Variants in KMO observed in about 807,000 individuals in gnomAD.
KMO encodes the protein kynurenine 3-monooxygenase.
KMO carries 24 observed loss-of-function variants against 57.8 expected under a neutral mutation model. The observed-to-expected ratio is 0.42, with a 90% CI of 0.30 to 0.58. The LOEUF is 0.58. KMO is among the 20% of genes least tolerant of loss of function. KMO has a pLI of 0.22. For synonymous variants in KMO, 210 were observed against 193.6 expected, an observed-to-expected ratio of 1.08 and a Z score of -0.70; for missense variants, 483 against 588.2, an observed-to-expected ratio of 0.82 and a Z score of 1.85.
At chr1:241,543,911 C>A (rs188773722) in intron 1 of KMO, among the ~76,000 whole-genome samples, 29 of 152,306 alleles carry the variant, frequency 1.9e-4, no homozygotes, top group Non-Finnish European at 1.8e-4. Context: ...GCAGAATCTC[C>A]ACCTTGGTCA....
chr1:241,542,619 T>A (rs1332315899), intron 1 of KMO, among the ~76,000 whole-genome samples: 2 of 152,264 alleles, frequency 1.3e-5, no homozygotes. Flanking sequence ...CCTGTCTCTA[T>A]TAAGGCTTTA....
chr1:241,538,127 A>C (rs932394337), intron 1 of KMO, among the ~76,000 whole-genome samples: 1 of 152,160 alleles, frequency 6.6e-6, no homozygotes, highest in African/African-American at 2.4e-5. Flanking sequence ...AGCATGCATA[A>C]TCAAGGTTCA....
At position 241,589,321 on chromosome 1, in the gene KMO, A is replaced by C. The variant is rs80243451; in HGVS notation, c.1098+491A>C. Reference sequence around the variant, plus strand: ...GGAAGATTAGTACTTTGAAAAAAAAACATATTAATTCCATTTTGAACCAGT... The same window carrying C: ...GGAAGATTAGTACTTTGAAAAAAAACCATATTAATTCCATTTTGAACCAGT... On this transcript the variant is annotated intron_variant, in intron 12 of 14. Coordinates refer to ENST00000366559, the MANE Select transcript of KMO (RefSeq NM_003679.5). 6.7e-3 allele frequency among the ~76,000 whole-genome samples: 1,022 copies of C among 152,294 alleles called. 10 individuals carry two copies. The highest frequency in any genetic ancestry group is 0.023 in the African/African-American group (959 of 41,546).
At chr1:241,535,621 C>T (rs566985671) in intron 1 of KMO, among the ~76,000 whole-genome samples, 2 of 152,204 alleles carry the variant, frequency 1.3e-5, no homozygotes, top group Non-Finnish European at 2.9e-5. Context: ...AGAAACTAAA[C>T]CATAATCATA....
intron 10 of KMO, among the ~76,000 whole-genome samples, chr1:241,569,478 G>T (rs975088563): frequency 2.0e-5 from 3 of 152,038 alleles, no homozygotes; most frequent in Non-Finnish European, 4.4e-5. Flanking sequence ...TGTTGCAAAT[G>T]ATGGCATTTC....
rs1291561737 is a variant in KMO, at chr1:241,568,646, C to T, written c.956C>T (p.Ala319Val). 2.5e-6 allele frequency: 4 copies of T among 1,612,950 alleles called. No individual in the cohort carries two copies. Among genetic ancestry groups the T allele is most frequent in the Non-Finnish European group, 3.4e-6 (4 of 1,179,388 alleles). The change falls in exon 10 of 15, where the codon GCG becomes GTG. Residue 319 changes from alanine to valine, a missense_variant and splice_region_variant. By Grantham distance (64) the Ala-to-Val change is moderately conservative (BLOSUM62 0). Transcript: ENST00000366559. The part of the protein sequence containing the change: ...IVPFFGQGMN[A>V]GFEDCLVFDE... ...CCGTTTTTTGGGCAAGGAATGAATG[C>T]GGTAAGTTCTTTTTCCCTAGGTAAG... is the stretch of plus-strand genomic sequence containing the variant.
chr1:241,545,521 C>A (rs1661113654), intron 1 of KMO, among the ~76,000 whole-genome samples: 1 of 152,118 alleles, frequency 6.6e-6, no homozygotes, highest in South Asian at 2.1e-4. Flanking sequence ...CTCTTCACAT[C>A]ATCTTTCCTC....
chr1:241,561,666 A>T (rs1661844699), intron 6 of KMO, among the ~76,000 whole-genome samples: 1 of 152,188 alleles, frequency 6.6e-6, no homozygotes, highest in Non-Finnish European at 1.5e-5. Flanking sequence ...CTAATAGATA[A>T]TTTCAGTTTC....
At chr1:241,572,997 A>G (rs1166184656) in intron 10 of KMO, among the ~76,000 whole-genome samples, 2 of 152,278 alleles carry the variant, frequency 1.3e-5, no homozygotes, top group African/African-American at 4.8e-5. Context: ...GTAGTATTCC[A>G]TGGTGTATAT....
At chr1:241,567,467 C>T (rs1473113337) in intron 9 of KMO, among the ~76,000 whole-genome samples, 1 of 152,130 alleles carries the variant, frequency 6.6e-6, no homozygotes, top group East Asian at 1.9e-4. Context: ...ACCTAATCAC[C>T]ACCCAAAGGC....
chr1:241,548,784 T>C (rs779704882), intron 1 of KMO, 45 bp from the exon 2 acceptor site: 6 of 1,222,490 alleles, frequency 4.9e-6, no homozygotes, highest in Non-Finnish European at 7.1e-6. Context: ...AAATTCCCTA[T>C]ATTTGTGGAA....
At chr1:241,556,581 A>G (rs529514437) in intron 5 of KMO, among the ~76,000 whole-genome samples, 3 of 152,310 alleles carry the variant, frequency 2.0e-5, no homozygotes, top group South Asian at 2.1e-4. Flanking sequence ...AAGTGACACA[A>G]TTAGATTTGC....
At chr1:241,582,181 G>C (rs1662779167) in intron 10 of KMO, among the ~76,000 whole-genome samples, 1 of 152,000 alleles carries the variant, frequency 6.6e-6, no homozygotes, top group Non-Finnish European at 1.5e-5. Context: ...TTTACTTGTT[G>C]CTTTCAGGAT....
chr1:241,593,529 G>T lies in KMO; in HGVS notation c.*1376G>T. On this transcript the variant is annotated 3_prime_UTR_variant, in exon 15 of 15. Transcript: ENST00000366559. ...TCTAATAATCCATGTTCAGTTTGTA[G>T]GGAAAGAAAAAATAATTTTTCCTTC... is the stretch of plus-strand genomic sequence containing the variant. The T allele has an allele frequency of 3.9e-6, 1 of 259,080 alleles. No individual in the cohort carries two copies. The highest frequency in any genetic ancestry group is 8.8e-6 in the Non-Finnish European group (1 of 113,708). The allele number at this position is 259,080 out of a possible 1,614,324, so 16.0% of individuals were successfully genotyped here. A position where few individuals can be genotyped will look rare whatever the true frequency, so the allele number is the denominator to read the frequency against.
At chr1:241,549,033 T>G in intron 2 of KMO, 135 bp downstream of exon 2, 1 of 565,714 alleles carries the variant, frequency 1.8e-6, no homozygotes, top group Non-Finnish European at 3.2e-6. Context: ...ACCCCATCTC[T>G]ACAAAAAATA....
intron 7 of KMO, 111 bp downstream of exon 7, chr1:241,562,443 T>C: frequency 9.7e-7 from 1 of 1,026,620 alleles, no homozygotes. Context: ...TTTTGAGGCC[T>C]ATCACAAGAA....
At chr1:241,580,566 A>C (rs1662711128) in intron 10 of KMO, among the ~76,000 whole-genome samples, 1 of 152,054 alleles carries the variant, frequency 6.6e-6, no homozygotes, top group Non-Finnish European at 1.5e-5. Context: ...TGTTTCAAGA[A>C]ATCTTTAAAT....
chr1:241,555,481 G>T, intron 4 of KMO, 131 bp from the exon 5 acceptor site: 1 of 507,410 alleles, frequency 2.0e-6, no homozygotes, highest in Non-Finnish European at 3.5e-6. Flanking sequence ...GTCACTTAGC[G>T]AAATGGTTAT....
chr1:241,554,476 G>A (rs1283231529), intron 4 of KMO, among the ~76,000 whole-genome samples: 1 of 151,864 alleles, frequency 6.6e-6, no homozygotes, highest in East Asian at 2.0e-4. Context: ...GTTTCGCCAT[G>A]TTGGCCAGGC....
Sources: gnomAD v4.1 joint callset for allele counts (sites outside exome capture counted in the v4.1 genomes callset) on GRCh38, gnomAD v4.1.1 for gene constraint, MANE v1.5 for transcripts, NCBI Gene and HGNC (gene_info 2026-07-23, HGNC 2026-07-21) for gene names.